Variants in ADAM10 observed in about 807,000 individuals in gnomAD.
ADAM10 encodes ADAM metallopeptidase domain 10, also known as disintegrin and metalloproteinase domain-containing protein 10.
Under a neutral mutation model 90.1 loss-of-function variants are expected in ADAM10, and 17 were observed. The ratio of observed to expected loss-of-function variants is 0.19; its 90% CI spans 0.13 to 0.28. ADAM10 has a LOEUF of 0.28. ADAM10 is among the 10% of genes least tolerant of loss of function. ADAM10 has a pLI of 1.00. For missense variants in ADAM10, 610 were observed against 914.3 expected, an observed-to-expected ratio of 0.67 and a Z score of 4.29; for synonymous variants, 310 against 298.6, an observed-to-expected ratio of 1.04 and a Z score of -0.40.
chr15:58,745,652 T>A (rs1298645712), intron 1 of ADAM10, among the ~76,000 whole-genome samples: 7 of 152,030 alleles, frequency 4.6e-5, no homozygotes, highest in African/African-American at 1.7e-4. Context: ...GGGGTCACAG[T>A]CAAACATTTT....
intron 2 of ADAM10, chr15:58,692,327 C>CG: frequency 1.6e-6 from 1 of 606,910 alleles, no homozygotes; most frequent in Non-Finnish European, 3.3e-6. Context: ...GTGATGTCAT[C>CG]AGGGTTTCTG....
At chr15:58,656,482 A>G (rs893856534) in intron 5 of ADAM10, among the ~76,000 whole-genome samples, 7 of 151,620 alleles carry the variant, frequency 4.6e-5, no homozygotes, top group South Asian at 2.1e-4. Flanking sequence ...TGTATCTATC[A>G]TATGTTTTTT....
chr15:58,642,805 A>C (rs537465087), intron 7 of ADAM10, among the ~76,000 whole-genome samples: 1 of 152,330 alleles, frequency 6.6e-6, no homozygotes, highest in African/African-American at 2.4e-5. Flanking sequence ...TTAAGGATTT[A>C]TATTGTTCAC....
intron 1 of ADAM10, among the ~76,000 whole-genome samples, chr15:58,743,668 G>A (rs1341676519): frequency 6.7e-6 from 1 of 149,194 alleles, no homozygotes; most frequent in Non-Finnish European, 1.5e-5. Flanking sequence ...GCAGTGGTGC[G>A]ATCTCAGCTC....
rs539456794 is a variant in ADAM10, at chr15:58,737,215, C to G, written c.55+12265G>C. ...CTAATCACAGAAGTGCATTATGAATCTTACTACCCAGAAAATTGGTATCTG... is the reference window on the plus strand; with the variant it reads ...CTAATCACAGAAGTGCATTATGAATGTTACTACCCAGAAAATTGGTATCTG... On this transcript the variant is annotated intron_variant, in intron 1 of 15. Transcript: ENST00000260408. Among the ~76,000 whole-genome samples, 79 of 152,266 alleles carry G rather than the reference C, an allele frequency of 5.2e-4. 1 individual carries two copies. The highest frequency in any genetic ancestry group is 1.8e-3 in the African/African-American group (74 of 41,550).
intron 5 of ADAM10, 150 bp from the exon 6 acceptor site, chr15:58,646,354 T>C (rs1354927827): frequency 1.2e-6 from 1 of 811,966 alleles, no homozygotes; most frequent in Non-Finnish European, 2.0e-6. Flanking sequence ...TAAAATCACT[T>C]TGTCTCATAA....
intron 11 of ADAM10, among the ~76,000 whole-genome samples, chr15:58,621,131 C>T (rs1365826489): frequency 6.6e-6 from 1 of 151,436 alleles, no homozygotes; most frequent in Non-Finnish European, 1.5e-5. Context: ...GGTGTGGTAG[C>T]ACATGCCTAT....
chr15:58,652,217 G>A (rs1012674737), intron 5 of ADAM10, among the ~76,000 whole-genome samples: 2 of 151,900 alleles, frequency 1.3e-5, no homozygotes, highest in Admixed American at 1.3e-4. Flanking sequence ...TTTGTTAATC[G>A]TATCCTTTGC....
At chr15:58,610,758 T>C in intron 13 of ADAM10, 1 of 635,828 alleles carries the variant, frequency 1.6e-6, no homozygotes, top group Non-Finnish European at 2.8e-6. Context: ...AGTCTAACAG[T>C]GTTTATGTAA....
rs200666962 is a variant in ADAM10 at position 58,610,446 on chromosome 15, G to A, written c.1876C>T (p.Leu626=). Residue 626 remains leucine, a synonymous_variant, in exon 14 of 16, where the codon CTG becomes TTG. Transcript: ENST00000260408. Reference sequence around the variant, plus strand: ...TCGTTGCAAGGGGATCCAGGTTGCAGGGTGATGGTTCGACCACTGAAGTGC... The same window carrying A: ...TCGTTGCAAGGGGATCCAGGTTGCAAGGTGATGGTTCGACCACTGAAGTGC... ...SRHFSGRTIT[L]QPGSPCNDFR... 2.6e-5 allele frequency: 42 copies of A among 1,614,056 alleles called. No individual in the cohort carries two copies. Among genetic ancestry groups the A allele is most frequent in the Non-Finnish European group, 3.3e-5 (39 of 1,180,032 alleles).
chr15:58,657,646 C>A (rs1434673746), intron 5 of ADAM10, among the ~76,000 whole-genome samples: 4 of 152,130 alleles, frequency 2.6e-5, no homozygotes, highest in African/African-American at 9.7e-5. Flanking sequence ...ATTTTTAATT[C>A]TCTATCTGAA....
At chr15:58,719,653 T>C (rs566188996) in intron 1 of ADAM10, among the ~76,000 whole-genome samples, 2 of 152,306 alleles carry the variant, frequency 1.3e-5, no homozygotes, top group South Asian at 2.1e-4. Context: ...TGAATATACT[T>C]AACACTACTG....
intron 5 of ADAM10, among the ~76,000 whole-genome samples, chr15:58,651,697 T>G (rs1181920409): frequency 1.3e-5 from 2 of 152,210 alleles, no homozygotes; most frequent in African/African-American, 4.8e-5. Flanking sequence ...TCTTGGCTAT[T>G]GTGAACAGTG....
intron 1 of ADAM10, among the ~76,000 whole-genome samples, chr15:58,735,871 C>A (rs140067581): frequency 6.6e-6 from 1 of 152,136 alleles, no homozygotes; most frequent in Admixed American, 6.6e-5. Flanking sequence ...TATGAAAAAA[C>A]TGAAATGGTT....
chr15:58,645,204 A>C (rs1288004185), intron 6 of ADAM10, among the ~76,000 whole-genome samples: 3 of 152,258 alleles, frequency 2.0e-5, no homozygotes, highest in African/African-American at 7.2e-5. Flanking sequence ...TGCTAATGAA[A>C]TTCCTAACTG....
chr15:58,611,544 A>C (rs1368800420), intron 12 of ADAM10: 6 of 384,716 alleles, frequency 1.6e-5, no homozygotes, highest in African/African-American at 1.2e-4. Flanking sequence ...TATTTTATAA[A>C]ACTTAAATAT....
In ADAM10 at chr15:58,597,426, C is replaced by G; in HGVS notation, c.*121G>C. On this transcript the variant is annotated 3_prime_UTR_variant, in exon 16 of 16. Transcript: ENST00000260408. ...CTGGTCTGAGGATATGATCTCTTGC[C>G]ATTTTTTCTTCAACTGTTACTTGTG... is the stretch of plus-strand genomic sequence containing the variant. 5 of 1,567,126 alleles carry G rather than the reference C, an allele frequency of 3.2e-6. No homozygotes were observed. Among genetic ancestry groups the G allele is most frequent in the Non-Finnish European group, 4.3e-6 (5 of 1,154,600 alleles).
At chr15:58,735,315 T>C (rs574359130) in intron 1 of ADAM10, among the ~76,000 whole-genome samples, 6 of 152,322 alleles carry the variant, frequency 3.9e-5, no homozygotes, top group South Asian at 2.1e-4. Context: ...CTATTAGATA[T>C]ATTACCTACG....
At chr15:58,674,849 T>C (rs1853675938) in intron 4 of ADAM10, among the ~76,000 whole-genome samples, 3 of 152,354 alleles carry the variant, frequency 2.0e-5, no homozygotes, top group African/African-American at 7.2e-5. Context: ...AGTATAGGTA[T>C]GGCTAACACA....
Sources: allele counts gnomAD v4.1 joint callset (sites outside exome capture counted in the v4.1 genomes callset), GRCh38; gene constraint gnomAD v4.1.1; transcripts MANE v1.5; gene names NCBI Gene and HGNC (gene_info 2026-07-23, HGNC 2026-07-21).